NR2C1: variants seen among roughly 807,000 people sequenced by gnomAD.
NR2C1 encodes the protein nuclear receptor subfamily 2 group C member 1, also known as TR2 nuclear hormone receptor.
In NR2C1, 33 loss-of-function variants were observed where a neutral mutation model predicts 74.8. The ratio of observed to expected loss-of-function variants is 0.44; its 90% CI spans 0.33 to 0.59. The LOEUF (loss-of-function observed/expected upper bound fraction) is 0.59, where lower values mean the gene tolerates loss of function less well. Ranked by LOEUF, NR2C1 falls within the 20% of genes least tolerant of loss-of-function variation. The pLI is 0.02. For missense variants in NR2C1, 568 were observed against 715.6 expected, an observed-to-expected ratio of 0.79 and a Z score of 2.35; for synonymous variants, 225 against 240.6, an observed-to-expected ratio of 0.94 and a Z score of 0.60.
intron 2 of NR2C1, among the ~76,000 whole-genome samples, chr12:95,064,025 C>CGAA (rs1875229879): frequency 1.4e-5 from 1 of 69,502 alleles, no homozygotes. Flanking sequence ...GACTCTGCCT[C>CGAA]AAAAAAAAAA....
intron 1 of NR2C1, among the ~76,000 whole-genome samples, chr12:95,071,868 C>T (rs1876680822): frequency 6.6e-6 from 1 of 151,396 alleles, no homozygotes; most frequent in Non-Finnish European, 1.5e-5. Context: ...CCTGCCTCGG[C>T]CTCCGGAGTT....
At chr12:95,063,997 C>CCAG (rs1875216378) in intron 2 of NR2C1, among the ~76,000 whole-genome samples, 1 of 141,934 alleles carries the variant, frequency 7.0e-6, no homozygotes, top group South Asian at 2.2e-4. Context: ...CCACTACACT[C>CCAG]CAGCCTGGGC....
At chr12:95,057,044 T>G (rs1182267627) in intron 7 of NR2C1, among the ~76,000 whole-genome samples, 1 of 152,030 alleles carries the variant, frequency 6.6e-6, no homozygotes, top group Non-Finnish European at 1.5e-5. Context: ...AGTACGTGTT[T>G]GTTGCTTTCA....
chr12:95,022,807 G>A (rs1312401653), intron 13 of NR2C1, among the ~76,000 whole-genome samples: 2 of 150,356 alleles, frequency 1.3e-5, no homozygotes, highest in African/African-American at 2.5e-5. Context: ...GATCCTTCCC[G>A]CCTCAGCCTC....
Position 95,022,530 on chromosome 12 carries a change from C to A in NR2C1, c.1638-127G>T, listed in dbSNP as rs1039057572. ...AGATAGCATTTTCAAAAGTTAAAAT[C>A]AAAACTTTAGTATTCTCAAGCCTTA... On this transcript the variant is annotated intron_variant, in intron 13 of 13. Transcript: ENST00000333003. The A allele has an allele frequency of 4.9e-6, 4 of 815,470 alleles. No homozygotes were observed. The Admixed American group carries it at 7.7e-5, about 16-fold the overall frequency. 50.5% of individuals were successfully genotyped at this position (815,470 alleles called of 1,614,324 possible). A position where few individuals can be genotyped will look rare whatever the true frequency, so the allele number is the denominator to read the frequency against.
chr12:95,042,218 T>TC (rs1871633042), intron 9 of NR2C1, among the ~76,000 whole-genome samples: 1 of 146,026 alleles, frequency 6.8e-6, no homozygotes, highest in Non-Finnish European at 1.5e-5. Context: ...CTCAAAGGTA[T>TC]CTTTTTTTTT....
chr12:95,051,349 C>A (rs900975749), intron 8 of NR2C1, among the ~76,000 whole-genome samples: 1 of 152,104 alleles, frequency 6.6e-6, no homozygotes, highest in Non-Finnish European at 1.5e-5. Flanking sequence ...TTTCTGTATA[C>A]GCCCAGACTC....
At chr12:95,039,849 A>G (rs1353450143) in intron 10 of NR2C1, among the ~76,000 whole-genome samples, 1 of 152,150 alleles carries the variant, frequency 6.6e-6, no homozygotes, top group Non-Finnish European at 1.5e-5. Flanking sequence ...TCTGTTGCCC[A>G]GGCTGGTCTT....
chr12:95,029,461 T>C (rs909315935), intron 11 of NR2C1, among the ~76,000 whole-genome samples: 40 of 152,002 alleles, frequency 2.6e-4, no homozygotes, highest in African/African-American at 9.2e-4. Context: ...GAAAAAACTA[T>C]ATATAAAAAA....
At chr12:95,026,976 T>C (rs1223733968) in intron 12 of NR2C1, 2 of 152,232 alleles carry the variant, frequency 1.3e-5, no homozygotes, top group Non-Finnish European at 2.9e-5. Context: ...CATTCTGCCA[T>C]TTAGTAATGC....
chr12:95,028,275 C>G (rs1055251304), intron 12 of NR2C1, 112 bp downstream of exon 12: 1 of 814,028 alleles, frequency 1.2e-6, no homozygotes, highest in Non-Finnish European at 1.9e-6. Flanking sequence ...CTACTGAACT[C>G]TTTTCCCAGG....
intron 2 of NR2C1, among the ~76,000 whole-genome samples, chr12:95,065,003 A>T (rs1396226550): frequency 2.0e-5 from 3 of 152,238 alleles, no homozygotes; most frequent in African/African-American, 7.2e-5. Context: ...TCATGGTCCA[A>T]CTGCTCCTGG....
At chr12:95,070,579 A>G (rs1876450818) in intron 1 of NR2C1, among the ~76,000 whole-genome samples, 1 of 152,200 alleles carries the variant, frequency 6.6e-6, no homozygotes, top group Admixed American at 6.5e-5. Flanking sequence ...CATTCAACAA[A>G]TCACTTGTTG....
intron 9 of NR2C1, among the ~76,000 whole-genome samples, chr12:95,043,665 G>A (rs1287513465): frequency 1.8e-5 from 2 of 113,428 alleles, no homozygotes; most frequent in Non-Finnish European, 4.0e-5. Flanking sequence ...ACTCCAGCCT[G>A]GGAGACAGAG....
intron 8 of NR2C1, among the ~76,000 whole-genome samples, chr12:95,049,936 A>T (rs1872759087): frequency 6.6e-6 from 1 of 152,070 alleles, no homozygotes; most frequent in South Asian, 2.1e-4. Context: ...AGCAGCTGGG[A>T]CTACATGTGC....
intron 10 of NR2C1, among the ~76,000 whole-genome samples, chr12:95,033,714 C>T (rs910656506): frequency 6.6e-6 from 1 of 152,146 alleles, no homozygotes; most frequent in Non-Finnish European, 1.5e-5. Context: ...TTCAGTGTCA[C>T]GCACACACGT....
At chr12:95,066,895 G>A (rs904950794) in intron 2 of NR2C1, 1 of 158,942 alleles carries the variant, frequency 6.3e-6, no homozygotes, top group African/African-American at 2.4e-5. Flanking sequence ...ATAATACTTT[G>A]AGAACTTCCA....
chr12:95,028,171 T>G, intron 12 of NR2C1: 1 of 452,616 alleles, frequency 2.2e-6, no homozygotes, highest in East Asian at 4.0e-5. Flanking sequence ...TATATACACA[T>G]TCTTGCATAG....
Position 95,039,676 on chromosome 12 carries a change from G to A in NR2C1, c.1253+800C>T, listed in dbSNP as rs1024745490. On this transcript the variant is annotated intron_variant, in intron 10 of 13. Coordinates refer to ENST00000333003, the MANE Select transcript of NR2C1 (RefSeq NM_003297.4). ...ACAGGGTCTAGCTCCGTCCCAGGCC[G>A]GAGTGCAGTAAGCAATGTGATCATG... Among the ~76,000 whole-genome samples the A allele has an allele frequency of 4.6e-5, 7 of 152,300 alleles. 1 individual carries two copies. In the Middle Eastern group the frequency reaches 0.014, roughly 296 times the overall value.
Sources: gnomAD v4.1 joint callset for allele counts (sites outside exome capture counted in the v4.1 genomes callset) on GRCh38, gnomAD v4.1.1 for gene constraint, MANE v1.5 for transcripts, NCBI Gene and HGNC (gene_info 2026-07-23, HGNC 2026-07-21) for gene names.